The following MSR1 variants were observed in gnomAD, a reference collection of about 807,000 sequenced individuals.
MSR1 encodes the protein macrophage scavenger receptor 1.
In MSR1, 53 loss-of-function variants were observed where a neutral mutation model predicts 47.2. That is an observed-to-expected ratio of 1.12 (90% CI 0.90 to 1.41). The LOEUF is 1.41. MSR1 is among the 40% of genes most tolerant of loss of function. The pLI is 0.00. For synonymous variants in MSR1, 239 were observed against 185.6 expected (o/e 1.29, Z -2.34); for missense variants, 786 against 546.9 (o/e 1.44, Z -4.36).
intron 8 of MSR1, among the ~76,000 whole-genome samples, chr8:16,124,646 T>A (rs1800088247): frequency 6.6e-6 from 1 of 152,142 alleles, no homozygotes; most frequent in Non-Finnish European, 1.5e-5. Flanking sequence ...ACTCTCAATC[T>A]CCAAATTTCG....
chr8:16,177,920 A>G lies in MSR1; in HGVS notation c.69T>C (p.Phe23=), dbSNP rs770778170. 3 of 1,613,972 alleles carry G rather than the reference A, an allele frequency of 1.9e-6. No homozygotes were observed. Among genetic ancestry groups the G allele is most frequent in the South Asian group, 1.1e-5 (1 of 91,074 alleles). The part of the protein sequence containing the change: ...DTDSCSESVK[F]DARSMTALLP... ...GCAAAGCTGTCATTGAGCGAGCATC[A>G]AATTTCACAGATTCGGAGCAGCTAT... Residue 23 remains phenylalanine (F), a synonymous_variant, in exon 2 of 10, where the codon TTT becomes TTC. Transcript: ENST00000262101.
intron 3 of MSR1, among the ~76,000 whole-genome samples, chr8:16,173,370 T>A (rs1801544497): frequency 6.6e-6 from 1 of 152,212 alleles, no homozygotes; most frequent in Non-Finnish European, 1.5e-5. Flanking sequence ...TGAAATCTAC[T>A]CAAATTCTAA....
At chr8:16,131,467 T>G (rs7826113) in intron 8 of MSR1, among the ~76,000 whole-genome samples, 7 of 61,024 alleles carry the variant, frequency 1.1e-4, no homozygotes, top group African/African-American at 2.6e-4. Context: ...TTTTTTTTTG[T>G]GGTGCAGCAG....
At chr8:16,170,029 A>C (rs888745014) in intron 3 of MSR1, among the ~76,000 whole-genome samples, 2 of 152,138 alleles carry the variant, frequency 1.3e-5, no homozygotes, top group African/African-American at 2.4e-5. Context: ...AGTTTCAAAA[A>C]AATAAAAGGC....
intron 9 of MSR1, among the ~76,000 whole-genome samples, chr8:16,114,778 A>G (rs56996957): frequency 0.048 from 7,272 of 152,234 alleles, 278 homozygotes; most frequent in East Asian, 0.13. Context: ...TAAGGATTCT[A>G]TCTGCTAAGC....
chr8:16,142,768 T>C (rs1256479018), intron 8 of MSR1, among the ~76,000 whole-genome samples: 1 of 152,160 alleles, frequency 6.6e-6, no homozygotes, highest in Non-Finnish European at 1.5e-5. Flanking sequence ...TCACCCTGTT[T>C]GTGTTACCTA....
intron 8 of MSR1, among the ~76,000 whole-genome samples, chr8:16,126,275 C>G (rs920644537): frequency 6.6e-6 from 1 of 152,100 alleles, no homozygotes; most frequent in African/African-American, 2.4e-5. Context: ...TTGCATGTGT[C>G]AATTACCACT....
At position 16,145,481 on chromosome 8, in the gene MSR1, G is replaced by A. The variant is rs540268214; in HGVS notation, c.980-1870C>T. On this transcript the variant is annotated intron_variant, in intron 7 of 9. Transcript: ENST00000262101. ...ACATTAACTTCACAATGAGAAAAGA[G>A]AAAGAAACTATGCATTGTTCTTAGA... 8.6e-4 allele frequency among the ~76,000 whole-genome samples: 131 copies of A among 152,172 alleles called. 5 individuals carry two copies. In the South Asian group the frequency reaches 0.027, roughly 31 times the overall value.
At chr8:16,139,675 A>G in intron 8 of MSR1, 5 of 974,618 alleles carry the variant, frequency 5.1e-6, no homozygotes, top group Non-Finnish European at 6.1e-6. Context: ...TGACCAGGTA[A>G]TACATGAAAA....
chr8:16,143,148 A>T (rs1198373161), intron 8 of MSR1, among the ~76,000 whole-genome samples: 5 of 152,112 alleles, frequency 3.3e-5, no homozygotes, highest in Admixed American at 3.3e-4. Context: ...AGCCCCAGAC[A>T]TCAGATAGTT....
intron 9 of MSR1, among the ~76,000 whole-genome samples, chr8:16,112,973 G>T (rs1380399282): frequency 3.3e-5 from 4 of 121,706 alleles, no homozygotes; most frequent in Admixed American, 9.8e-5. Context: ...TTGAGACAGA[G>T]ACTCACTCCC....
At chr8:16,120,387 A>C (rs1410561865) in intron 9 of MSR1, 31 bp downstream of exon 9, 7 of 1,611,688 alleles carry the variant, frequency 4.3e-6, no homozygotes, top group South Asian at 1.1e-5. Flanking sequence ...AAACAACAAC[A>C]ACAAACCTCA....
intron 8 of MSR1, chr8:16,139,216 A>G: frequency 1.0e-6 from 1 of 959,600 alleles, no homozygotes; most frequent in African/African-American, 1.8e-5. Flanking sequence ...TTGCATTTTC[A>G]TTTTGCTTTC....
rs1397972166 is a variant in MSR1, at chr8:16,110,311, C to T, written c.1223-93G>A. On this transcript the variant is annotated intron_variant, in intron 9 of 9. Coordinates refer to ENST00000262101, the MANE Select transcript of MSR1 (RefSeq NM_138715.3). The stretch of plus-strand genomic sequence containing the variant: ...GCCATTAATTCCTTCACTAATTAAA[C>T]AAAAAAGTGTTGATTATTTTCTGTA... 5.0e-6 allele frequency: 7 copies of T among 1,395,972 alleles called. 1 individual carries two copies. In the East Asian group the frequency reaches 6.9e-5, roughly 14 times the overall value. The allele number at this position is 1,395,972 out of a possible 1,614,324, so 86.5% of individuals were successfully genotyped here.
chr8:16,111,721 T>C, intron 9 of MSR1, among the ~76,000 whole-genome samples: 1 of 123,368 alleles, frequency 8.1e-6, no homozygotes, highest in East Asian at 2.6e-4. Context: ...GAATTTCTTA[T>C]GTGGCAGGAA....
intron 1 of MSR1, among the ~76,000 whole-genome samples, chr8:16,192,329 C>T (rs1802220950): frequency 6.6e-6 from 1 of 152,096 alleles, no homozygotes; most frequent in Non-Finnish European, 1.5e-5. Context: ...GTTCAAACTA[C>T]AAAGCATTTA....
rs1337758261 is a variant in MSR1, at chr8:16,108,607, G to C, written c.*1478C>G. ...GAAATTACAGCCAGGGTTTGAGACA[G>C]AAAGTGTACATTCAGAATTCATTCT... On this transcript the variant is annotated 3_prime_UTR_variant, in exon 10 of 10. Coordinates refer to ENST00000262101, the MANE Select transcript of MSR1 (RefSeq NM_138715.3). 6.6e-6 allele frequency: 1 copy of C among 152,144 alleles called. No individual in the cohort carries two copies. Among genetic ancestry groups the C allele is most frequent in the African/African-American group, 2.4e-5 (1 of 41,446 alleles). 9.4% of individuals were successfully genotyped at this position (152,144 alleles called of 1,614,324 possible). A position where few individuals can be genotyped will look rare whatever the true frequency, so the allele number is the denominator to read the frequency against.
chr8:16,184,469 T>C (rs113854357), intron 1 of MSR1, among the ~76,000 whole-genome samples: 1 of 152,266 alleles, frequency 6.6e-6, no homozygotes, highest in African/African-American at 2.4e-5. Flanking sequence ...TAGTACACTA[T>C]TTATGCTTTT....
intron 6 of MSR1, among the ~76,000 whole-genome samples, chr8:16,151,110 T>A (rs1800846222): frequency 6.6e-6 from 1 of 152,112 alleles, no homozygotes; most frequent in Non-Finnish European, 1.5e-5. Flanking sequence ...TTAGGCATCT[T>A]ATTTTGTCAT....
Sources: gnomAD v4.1 joint callset for allele counts (sites outside exome capture counted in the v4.1 genomes callset) on GRCh38, gnomAD v4.1.1 for gene constraint, MANE v1.5 for transcripts, NCBI Gene and HGNC (gene_info 2026-07-23, HGNC 2026-07-21) for gene names.